Variants in MAPRE2 observed in about 807,000 individuals in gnomAD.
The protein encoded by MAPRE2 is microtubule-associated protein RP/EB family member 2.
In MAPRE2, 13 loss-of-function variants were observed where a neutral mutation model predicts 43.2. The observed-to-expected ratio is 0.30, with a 90% CI of 0.20 to 0.48. MAPRE2 has a LOEUF of 0.48. MAPRE2 is among the 20% of genes least tolerant of loss of function. The pLI is 0.99. For synonymous variants in MAPRE2, 135 were observed against 148.8 expected (o/e 0.91, Z 0.68); for missense variants, 161 against 400.2 (o/e 0.40, Z 5.10).
chr18:34,977,445 T>C (rs939073395), intron 1 of MAPRE2, among the ~76,000 whole-genome samples: 1 of 151,988 alleles, frequency 6.6e-6, no homozygotes, highest in African/African-American at 2.4e-5. Flanking sequence ...GAACACGGCG[T>C]TGGTGAAGGA....
In MAPRE2 at chr18:35,057,507, CGT is replaced by C. The variant is rs58171272; in HGVS notation, c.123-12665_123-12664del. ...AGAGAGATACTGCAAGGAGTGTGTG[CGT>C]GTGTGTGTGTGTGTGTGTGTGTAAA... On this transcript the variant is annotated intron_variant, in intron 1 of 6. Transcript: ENST00000300249. Among the ~76,000 whole-genome samples the C allele has an allele frequency of 6.3e-3, 941 of 149,444 alleles. 30 individuals carry two copies. Among genetic ancestry groups the C allele is most frequent in the Admixed American group, 0.055 (831 of 15,046 alleles).
intron 2 of MAPRE2, among the ~76,000 whole-genome samples, chr18:35,085,173 G>T (rs531722785): frequency 6.6e-6 from 1 of 152,176 alleles, no homozygotes; most frequent in Admixed American, 6.5e-5. Context: ...ATTTCTGTAG[G>T]TAGAGAGATT....
intron 2 of MAPRE2, among the ~76,000 whole-genome samples, chr18:35,010,698 T>C (rs1284941378): frequency 6.6e-6 from 1 of 152,204 alleles, no homozygotes; most frequent in Non-Finnish European, 1.5e-5. Context: ...TTAACTAGGC[T>C]TAAGTAGAGG....
Position 35,017,422 on chromosome 18 carries a change from T to C in MAPRE2, c.-8+11869T>C, listed in dbSNP as rs371180475. On this transcript the variant is annotated intron_variant, in intron 2 of 7. Coordinates refer to the MAPRE2 transcript ENST00000413393. ...GTGTGGCCATTTTAACAATATTGAT[T>C]CTTCCAATCCATGAGCATGGAATGT... Among the ~76,000 whole-genome samples, 23 of 152,122 alleles carry C rather than the reference T, an allele frequency of 1.5e-4. No homozygotes were observed. In the South Asian group the frequency reaches 4.6e-3, roughly 30 times the overall value.
At chr18:35,114,911 T>C (rs1486890431) in intron 4 of MAPRE2, among the ~76,000 whole-genome samples, 2 of 152,254 alleles carry the variant, frequency 1.3e-5, no homozygotes, top group African/African-American at 4.8e-5. Context: ...TCAGCCTAGC[T>C]GTAAACCTCG....
intron 4 of MAPRE2, among the ~76,000 whole-genome samples, chr18:35,103,289 A>G (rs1908760901): frequency 6.6e-6 from 1 of 152,126 alleles, no homozygotes. Context: ...CAACTCTGGG[A>G]GAGTTGTTAG....
chr18:35,080,281 A>G (rs1006629469), intron 2 of MAPRE2, among the ~76,000 whole-genome samples: 10 of 152,212 alleles, frequency 6.6e-5, no homozygotes, highest in East Asian at 5.8e-4. Context: ...AGTACCTGCA[A>G]TGTGTCAGGT....
At chr18:34,988,757 T>G (rs1255560931) in intron 1 of MAPRE2, 1 of 152,196 alleles carries the variant, frequency 6.6e-6, no homozygotes, top group Non-Finnish European at 1.5e-5. Flanking sequence ...CCTCAGAACC[T>G]TAAAGTTCTC....
intron 2 of MAPRE2, among the ~76,000 whole-genome samples, chr18:35,025,622 A>G (rs987856339): frequency 6.6e-6 from 1 of 152,218 alleles, no homozygotes; most frequent in African/African-American, 2.4e-5. Context: ...GATACTGTTA[A>G]CATTTACATC....
chr18:34,991,283 T>C (rs1457340988), intron 1 of MAPRE2, among the ~76,000 whole-genome samples: 1 of 152,114 alleles, frequency 6.6e-6, no homozygotes, highest in Non-Finnish European at 1.5e-5. Context: ...ACTGTTTAGC[T>C]CCCACTTCTA....
intron 2 of MAPRE2, among the ~76,000 whole-genome samples, chr18:35,025,162 T>C (rs1460502146): frequency 1.3e-5 from 2 of 152,248 alleles, no homozygotes; most frequent in African/African-American, 4.8e-5. Flanking sequence ...TCCACAGCAC[T>C]GTGTCCAAGT....
intron 1 of MAPRE2, among the ~76,000 whole-genome samples, chr18:34,999,586 A>G (rs1486812131): frequency 6.6e-6 from 1 of 152,208 alleles, no homozygotes; most frequent in East Asian, 1.9e-4. Context: ...AACCTAAATC[A>G]TATGACCATC....
intron 1 of MAPRE2, among the ~76,000 whole-genome samples, chr18:34,999,558 A>C (rs964345109): frequency 2.0e-5 from 3 of 152,182 alleles, no homozygotes; most frequent in African/African-American, 7.2e-5. Flanking sequence ...TCTGGGGATT[A>C]TCTTTTATTT....
intron 3 of MAPRE2, among the ~76,000 whole-genome samples, chr18:35,098,347 G>A (rs971023315): frequency 6.6e-5 from 10 of 152,140 alleles, no homozygotes; most frequent in African/African-American, 9.7e-5. Flanking sequence ...CAGCAGGGGA[G>A]AAATGGAAAA....
At chr18:35,100,994 G>A (rs1416321920) in intron 3 of MAPRE2, among the ~76,000 whole-genome samples, 1 of 152,196 alleles carries the variant, frequency 6.6e-6, no homozygotes, top group Non-Finnish European at 1.5e-5. Flanking sequence ...AGCCGAGATC[G>A]TGCCATTGCA....
intron 1 of MAPRE2, among the ~76,000 whole-genome samples, chr18:34,995,120 C>A (rs551754650): frequency 7.9e-5 from 12 of 152,140 alleles, no homozygotes; most frequent in Non-Finnish European, 1.6e-4. Context: ...CATCAGTGGG[C>A]GCTTCTTTTC....
chr18:35,034,444 G>A (rs2097049426), intron 2 of MAPRE2, among the ~76,000 whole-genome samples: 1 of 152,104 alleles, frequency 6.6e-6, no homozygotes. Context: ...TCAGGACATA[G>A]GCATGGGCAA....
intron 3 of MAPRE2, among the ~76,000 whole-genome samples, chr18:35,101,302 G>A (rs1218686758): frequency 6.6e-6 from 1 of 151,880 alleles, no homozygotes; most frequent in East Asian, 1.9e-4. Context: ...ATATTTATGG[G>A]GTACCTGAGG....
At chr18:34,983,086 AC>A (rs1387233008) in intron 1 of MAPRE2, among the ~76,000 whole-genome samples, 1 of 152,182 alleles carries the variant, frequency 6.6e-6, no homozygotes, top group Non-Finnish European at 1.5e-5. Context: ...CCTCTGATTT[AC>A]CCCAGTTTAA....
Sources: gnomAD v4.1 joint callset for allele counts (sites outside exome capture counted in the v4.1 genomes callset) on GRCh38, gnomAD v4.1.1 for gene constraint, MANE v1.5 for transcripts, NCBI Gene and HGNC (gene_info 2026-07-23, HGNC 2026-07-21) for gene names.